The following ZDHHC20 variants were observed in gnomAD, a reference collection of about 807,000 sequenced individuals.
ZDHHC20 encodes the protein zDHHC palmitoyltransferase 20, also known as palmitoyltransferase ZDHHC20.
A neutral mutation model predicts 57.8 loss-of-function variants in ZDHHC20; 43 were observed. The observed-to-expected ratio is 0.74, with a 90% CI of 0.58 to 0.96. The LOEUF is 0.96. Among genes scored for constraint, ZDHHC20 ranks in the 40% least tolerant of loss-of-function variants. ZDHHC20 has a pLI of 0.00. For synonymous variants in ZDHHC20, 157 were observed against 153.0 expected (o/e 1.03, Z -0.19); for missense variants, 391 against 441.1 (o/e 0.89, Z 1.02).
Position 21,383,019 on chromosome 13 carries a change from G to T in ZDHHC20, c.855-10C>A, listed in dbSNP as rs1368854668. On this transcript the variant is annotated splice_polypyrimidine_tract_variant and intron_variant, in intron 9 of 12. Coordinates refer to ENST00000400590, the MANE Select transcript of ZDHHC20 (RefSeq NM_001330059.2). ...GCAACCATCACCCAAGCTGCATAAT[G>T]AAAAAGAGTAATAATTTAAATAATG... 6.4e-7 allele frequency: 1 copy of T among 1,550,416 alleles called. No individual in the cohort carries two copies. The highest frequency in any genetic ancestry group is 2.0e-5 in the Admixed American group (1 of 51,152).
At chr13:21,408,221 T>C (rs1465610887) in intron 4 of ZDHHC20, among the ~76,000 whole-genome samples, 3 of 152,216 alleles carry the variant, frequency 2.0e-5, no homozygotes, top group African/African-American at 7.2e-5. Flanking sequence ...AGCATGGCCA[T>C]TTTCACGATA....
intron 7 of ZDHHC20, among the ~76,000 whole-genome samples, chr13:21,398,630 C>T (rs916988351): frequency 6.6e-6 from 1 of 152,148 alleles, no homozygotes; most frequent in Admixed American, 6.5e-5. Context: ...CAGTTTCATA[C>T]AGGAATAACA....
chr13:21,428,982 ATCTTGTCAATG>A (rs1226591451), intron 1 of ZDHHC20, among the ~76,000 whole-genome samples: 1 of 152,230 alleles, frequency 6.6e-6, no homozygotes, highest in Non-Finnish European at 1.5e-5. Context: ...TCATTTTTCA[ATCTTGTCAATG>A]ACACTAACCT....
chr13:21,458,970 G>A, intron 1 of ZDHHC20, 84 bp downstream of exon 1: 1 of 1,036,928 alleles, frequency 9.6e-7, no homozygotes. Flanking sequence ...GCTCCAGAAA[G>A]GCGGCGGGTG....
chr13:21,415,724 T>A (rs1189057928), intron 3 of ZDHHC20, among the ~76,000 whole-genome samples: 1 of 152,218 alleles, frequency 6.6e-6, no homozygotes, highest in Non-Finnish European at 1.5e-5. Flanking sequence ...ATATTCATAG[T>A]AGAGTATAAA....
chr13:21,375,392 G>C lies in ZDHHC20; in HGVS notation c.*1304C>G, dbSNP rs55877122. 9.6e-6 allele frequency: 3 copies of C among 313,972 alleles called. No homozygotes were observed. The highest frequency in any genetic ancestry group is 4.5e-5 in the African/African-American group (2 of 44,312). The allele number at this position is 313,972 out of a possible 1,614,324, so 19.4% of individuals were successfully genotyped here. A position where few individuals can be genotyped will look rare whatever the true frequency, so the allele number is the denominator to read the frequency against. ...CTGTCTGTCTAAAAGGTGTAAATGA[G>C]GAGTGACATTTCTACATTGTTTATT... On this transcript the variant is annotated 3_prime_UTR_variant, in exon 13 of 13. Coordinates refer to ENST00000400590, the MANE Select transcript of ZDHHC20 (RefSeq NM_001330059.2).
intron 4 of ZDHHC20, among the ~76,000 whole-genome samples, chr13:21,408,881 T>G (rs1878823623): frequency 6.6e-6 from 1 of 152,362 alleles, no homozygotes; most frequent in Non-Finnish European, 1.5e-5. Flanking sequence ...ATGTGGTTTT[T>G]GTCATTGGTT....
Position 21,376,633 on chromosome 13 carries a change from C to T in ZDHHC20, c.*63G>A, listed in dbSNP as rs1432010652. Reference sequence around the variant, plus strand: ...TCTTGCAAATGAAAATTGAAAATACCAGTCTATAATGTTTTCATACACCTA... The same window carrying T: ...TCTTGCAAATGAAAATTGAAAATACTAGTCTATAATGTTTTCATACACCTA... On this transcript the variant is annotated 3_prime_UTR_variant, in exon 13 of 13. Transcript: ENST00000400590. The T allele has an allele frequency of 5.8e-6, 8 of 1,387,210 alleles. No individual in the cohort carries two copies. The highest frequency in any genetic ancestry group is 2.7e-5 in the East Asian group (1 of 37,436). The allele number at this position is 1,387,210 out of a possible 1,614,324, so 85.9% of individuals were successfully genotyped here. A position where few individuals can be genotyped will look rare whatever the true frequency, so the allele number is the denominator to read the frequency against.
At chr13:21,447,031 T>C (rs1331267162) in intron 1 of ZDHHC20, among the ~76,000 whole-genome samples, 3 of 151,950 alleles carry the variant, frequency 2.0e-5, no homozygotes, top group Admixed American at 2.0e-4. Context: ...CTGGTATTAA[T>C]TTGAAAAAGA....
At chr13:21,444,858 C>T (rs1593276892) in intron 1 of ZDHHC20, among the ~76,000 whole-genome samples, 1 of 152,066 alleles carries the variant, frequency 6.6e-6, no homozygotes, top group Admixed American at 6.6e-5. Flanking sequence ...GAGTTGGAGA[C>T]CAGCCCTGGC....
chr13:21,397,220 C>A (rs1379412298), intron 7 of ZDHHC20, among the ~76,000 whole-genome samples: 1 of 151,926 alleles, frequency 6.6e-6, no homozygotes, highest in Non-Finnish European at 1.5e-5. Context: ...CATGGTAAAA[C>A]CCCGTCTCTG....
chr13:21,416,154 G>A (rs570926978), intron 3 of ZDHHC20, among the ~76,000 whole-genome samples: 5 of 144,850 alleles, frequency 3.5e-5, no homozygotes, highest in African/African-American at 1.0e-4. Context: ...GCAGTGAGCC[G>A]AGGTCACACC....
intron 7 of ZDHHC20, among the ~76,000 whole-genome samples, chr13:21,398,557 T>C (rs376261469): frequency 1.3e-5 from 2 of 152,228 alleles, no homozygotes; most frequent in African/African-American, 2.4e-5. Context: ...AATACATACA[T>C]GGCATTTACA....
chr13:21,375,760 G>C lies in ZDHHC20; in HGVS notation c.*936C>G, dbSNP rs1871979357. On this transcript the variant is annotated 3_prime_UTR_variant, in exon 13 of 13. Coordinates refer to ENST00000400590, the MANE Select transcript of ZDHHC20 (RefSeq NM_001330059.2). ...CTGAAATTTGAAAGTGAAGTCAACA[G>C]CATGCTTTATTCTAACTGCTGTTAA... The C allele has an allele frequency of 6.6e-6, 1 of 152,218 alleles. No individual in the cohort carries two copies. Among genetic ancestry groups the C allele is most frequent in the Non-Finnish European group, 1.5e-5 (1 of 68,082 alleles). The allele number at this position is 152,218 out of a possible 1,614,324, so 9.4% of individuals were successfully genotyped here. A position where few individuals can be genotyped will look rare whatever the true frequency, so the allele number is the denominator to read the frequency against.
At chr13:21,440,816 T>C (rs1036589592) in intron 1 of ZDHHC20, among the ~76,000 whole-genome samples, 14 of 152,178 alleles carry the variant, frequency 9.2e-5, no homozygotes, top group Non-Finnish European at 1.5e-4. Context: ...TTTCTTTAAT[T>C]AGTCTATTTC....
chr13:21,400,346 T>G (rs566448741), intron 7 of ZDHHC20, 27 bp downstream of exon 7: 2 of 1,556,580 alleles, frequency 1.3e-6, no homozygotes. Flanking sequence ...CTTAAATACA[T>G]GTTTCAAGAT....
intron 10 of ZDHHC20, among the ~76,000 whole-genome samples, 170 bp from the exon 11 acceptor site, chr13:21,381,719 C>T (rs1171726591): frequency 6.6e-6 from 1 of 152,136 alleles, no homozygotes; most frequent in Non-Finnish European, 1.5e-5. Flanking sequence ...GCCCACAACC[C>T]CCCATTAAAT....
intron 8 of ZDHHC20, among the ~76,000 whole-genome samples, chr13:21,389,065 C>T (rs1875151378): frequency 6.6e-6 from 1 of 152,164 alleles, no homozygotes; most frequent in Non-Finnish European, 1.5e-5. Context: ...TTTTCAGGGG[C>T]TCTTCAGTTC....
chr13:21,458,643 G>C (rs1014661738), intron 1 of ZDHHC20, among the ~76,000 whole-genome samples: 2 of 152,076 alleles, frequency 1.3e-5, no homozygotes, highest in African/African-American at 4.8e-5. Context: ...AAACAATCCA[G>C]AAGGAACAGA....
Sources: allele counts gnomAD v4.1 joint callset (sites outside exome capture counted in the v4.1 genomes callset), GRCh38; gene constraint gnomAD v4.1.1; transcripts MANE v1.5; gene names NCBI Gene and HGNC (gene_info 2026-07-23, HGNC 2026-07-21).